RYR1: variants seen among roughly 807,000 people sequenced by gnomAD.
RYR1 encodes the protein central core disease of muscle.
In RYR1, 342 loss-of-function variants were observed where a neutral mutation model predicts 583.5. The observed-to-expected ratio is 0.59, with a 90% CI of 0.54 to 0.64. The LOEUF (loss-of-function observed/expected upper bound fraction) is 0.64, where lower values mean the gene tolerates loss of function less well. RYR1 is among the 30% of genes least tolerant of loss of function. The pLI is 0.00. For missense variants in RYR1, 6,032 were observed against 6,917.2 expected, an observed-to-expected ratio of 0.87 and a Z score of 4.54; for synonymous variants, 2,791 against 2,822.5, an observed-to-expected ratio of 0.99 and a Z score of 0.35.
chr19:38,478,645 C>T, intron 31 of RYR1, 45 bp downstream of exon 31: 1 of 1,596,584 alleles, frequency 6.3e-7, no homozygotes, highest in East Asian at 2.2e-5. Flanking sequence ...CATGTCCCAG[C>T]ATCCCAGGAC....
chr19:38,523,650 TC>T (rs964800962), intron 69 of RYR1: 2 of 606,136 alleles, frequency 3.3e-6, no homozygotes, highest in African/African-American at 3.7e-5. Context: ...CTCCTCCTCC[TC>T]CCCATTTTCC....
intron 38 of RYR1, among the ~76,000 whole-genome samples, 175 bp from the exon 39 acceptor site, chr19:38,494,177 A>C (rs1969691169): frequency 6.6e-6 from 1 of 152,194 alleles, no homozygotes. Flanking sequence ...TCTAAAAGAA[A>C]AAAAGGAAAA....
At chr19:38,433,999 C>A in intron 1 of RYR1, 125 bp downstream of exon 1, 2 of 835,112 alleles carry the variant, frequency 2.4e-6, no homozygotes, top group South Asian at 1.3e-5. Context: ...CTTCCTATGT[C>A]ACTTTGAGTG....
intron 1 of RYR1, among the ~76,000 whole-genome samples, chr19:38,435,403 T>C (rs2145296255): frequency 6.6e-6 from 1 of 152,262 alleles, no homozygotes; most frequent in South Asian, 2.1e-4. Flanking sequence ...GGGTCAGTTT[T>C]TCTGATTGTT....
chr19:38,523,149 C>G (rs1555789775), intron 68 of RYR1, 34 bp downstream of exon 68: 9 of 1,614,028 alleles, frequency 5.6e-6, no homozygotes, highest in Non-Finnish European at 7.6e-6. Flanking sequence ...TCCCCACAAC[C>G]AGAGGAGCCG....
At chr19:38,474,067 G>T (rs578167340) in intron 28 of RYR1, among the ~76,000 whole-genome samples, 1 of 152,160 alleles carries the variant, frequency 6.6e-6, no homozygotes, top group African/African-American at 2.4e-5. Context: ...CTTATCATCC[G>T]TGGACACTAA....
In RYR1 at chr19:38,506,554, C is replaced by A. The variant is rs542646114; in HGVS notation, c.8692+8C>A. On this transcript the variant is annotated splice_region_variant and intron_variant, in intron 56 of 105. Transcript: ENST00000359596. ...AGGAGCTGGAAGCCAAAGGTGAGGGCGCCCATGCCGCCCCCACGCTACCCC... is the reference window on the plus strand; with the variant it reads ...AGGAGCTGGAAGCCAAAGGTGAGGGAGCCCATGCCGCCCCCACGCTACCCC... 1 of 1,613,722 alleles carries A rather than the reference C, an allele frequency of 6.2e-7. No individual in the cohort carries two copies. Among genetic ancestry groups the A allele is most frequent in the South Asian group, 1.1e-5 (1 of 91,078 alleles).
Position 38,452,982 on chromosome 19 carries a change from C to T in RYR1, c.1408C>T (p.Leu470=), listed in dbSNP as rs749095568. 6.2e-7 allele frequency: 1 copy of T among 1,613,912 alleles called. No individual in the cohort carries two copies. Among genetic ancestry groups the T allele is most frequent in the Non-Finnish European group, 8.5e-7 (1 of 1,179,842 alleles). The change falls in exon 13 of 106, where the codon CTG becomes TTG. Residue 470 remains leucine, a synonymous_variant. Coordinates refer to ENST00000359596, the MANE Select transcript of RYR1 (RefSeq NM_000540.3). ...HEEKQSKLRS[L]RNRQSLFQEE... ...GGAGAAGCAGAGCAAGCTGCGAAGC[C>T]TGCGCAACCGCCAGAGCCTCTTCCA...
At chr19:38,578,495 C>T (rs893857510) in intron 99 of RYR1, among the ~76,000 whole-genome samples, 2 of 152,178 alleles carry the variant, frequency 1.3e-5, no homozygotes, top group African/African-American at 4.8e-5. Context: ...AGTTTGAGAC[C>T]AGCCTGGGCA....
chr19:38,452,728 C>T, intron 12 of RYR1, 91 bp from the exon 13 acceptor site: 1 of 1,206,788 alleles, frequency 8.3e-7, no homozygotes, highest in South Asian at 1.4e-5. Context: ...ACGGGTGGGT[C>T]TGGGGGAGTC....
At position 38,496,654 on chromosome 19, in the gene RYR1, G is replaced by T; in HGVS notation, c.6796+113G>T. 1 of 1,390,608 alleles carries T rather than the reference G, an allele frequency of 7.2e-7. No individual in the cohort carries two copies. The highest frequency in any genetic ancestry group is 1.0e-6 in the Non-Finnish European group (1 of 985,976). 86.1% of individuals were successfully genotyped at this position (1,390,608 alleles called of 1,614,324 possible). On this transcript the variant is annotated intron_variant, in intron 41 of 105. Coordinates refer to ENST00000359596, the MANE Select transcript of RYR1 (RefSeq NM_000540.3). The surrounding 1 kb of genome is among the most constrained non-coding windows in gnomAD (Gnocchi z 4.8). ...ATTCAACAAACACTCCCTCTCAACT[G>T]TGGTTCTGGCCCTGTAATGAGTAAT...
chr19:38,546,415 G>GA, intron 87 of RYR1, 30 bp from the exon 88 acceptor site: 1 of 1,594,754 alleles, frequency 6.3e-7, no homozygotes. Context: ...TGTATGCTGA[G>GA]ACCAGCCCTC....
At chr19:38,536,095 A>G in intron 82 of RYR1, 25 bp downstream of exon 82, 1 of 1,574,656 alleles carries the variant, frequency 6.4e-7, no homozygotes, top group Non-Finnish European at 8.6e-7. Context: ...TGGGCTTCCC[A>G]CCCCCTGAGA....
At chr19:38,566,794 GT>G in intron 91 of RYR1, 116 bp from the exon 92 acceptor site, 1 of 1,528,490 alleles carries the variant, frequency 6.5e-7, no homozygotes, top group Non-Finnish European at 8.9e-7. Flanking sequence ...GTGGAGGGAA[GT>G]GTAAAACTTA....
At position 38,473,702 on chromosome 19, in the gene RYR1, G is replaced by T. The variant is rs1489344675; in HGVS notation, c.4091G>T (p.Gly1364Val). 1.3e-6 allele frequency: 2 copies of T among 1,549,522 alleles called. No homozygotes were observed. The highest frequency in any genetic ancestry group is 1.7e-6 in the Non-Finnish European group (2 of 1,146,664). The stretch of plus-strand genomic sequence containing the variant: ...GCCCCCGGGGGCACCCCGCAGGCGG[G>T]GGGAGAGGCGCAGCCCGCCAGGGCG... The part of the protein sequence containing the change: ...EGAPGGTPQA[G>V]GEAQPARAEN... Residue 1364 changes from glycine (G) to valine (V), a missense_variant, in exon 28 of 106, where the codon GGG becomes GTG. Transcript: ENST00000359596.
At chr19:38,463,872 G>T (rs1431686218) in intron 22 of RYR1, 22 bp downstream of exon 22, 2 of 1,597,336 alleles carry the variant, frequency 1.3e-6, no homozygotes, top group Non-Finnish European at 1.7e-6. Context: ...GGGGAGCCGG[G>T]GGTTGGGGCT....
In RYR1 at chr19:38,471,614, G is replaced by T. The variant is rs558151229; in HGVS notation, c.3766-1763G>T. Among the ~76,000 whole-genome samples the T allele has an allele frequency of 4.6e-5, 7 of 151,934 alleles. No individual in the cohort carries two copies. In the East Asian group the frequency reaches 1.4e-3, roughly 30 times the overall value. ...GAAAAAAGACCCCTAAAGAGTCTGAGAACAGGCTGGGCTCGGTGGCTCATG... is the reference window on the plus strand; with the variant it reads ...GAAAAAAGACCCCTAAAGAGTCTGATAACAGGCTGGGCTCGGTGGCTCATG... On this transcript the variant is annotated intron_variant, in intron 27 of 105. Coordinates refer to ENST00000359596, the MANE Select transcript of RYR1 (RefSeq NM_000540.3).
chr19:38,502,744 TTCAGGGTGGGGCAGGGGCAGGGGCA>T lies in RYR1; in HGVS notation c.7835+18_7835+42del. On this transcript the variant is annotated intron_variant, in intron 48 of 105. Transcript: ENST00000359596. Reference sequence around the variant, plus strand: ...GCTCTGCAGGTGGAGCGGGGCAGGCTTCAGGGTGGGGCAGGGGCAGGGGCAGGGGCAGGGGCAGGGGCAGGGGCAG... The same window carrying T: ...GCTCTGCAGGTGGAGCGGGGCAGGCTGGGGCAGGGGCAGGGGCAGGGGCAG... 7.6e-7 allele frequency: 1 copy of T among 1,318,274 alleles called. No individual in the cohort carries two copies. The highest frequency in any genetic ancestry group is 2.0e-4 in the Middle Eastern group (1 of 4,886). 81.7% of individuals were successfully genotyped at this position (1,318,274 alleles called of 1,614,324 possible).
chr19:38,448,279 AAAAG>A (rs979645129), intron 9 of RYR1, 72 bp from the exon 10 acceptor site: 3 of 1,503,746 alleles, frequency 2.0e-6, no homozygotes, highest in African/African-American at 2.8e-5. Flanking sequence ...AAAAAAAAGA[AAAAG>A]AAGAAAAGAC....
Sources: gnomAD v4.1 joint callset for allele counts (sites outside exome capture counted in the v4.1 genomes callset) on GRCh38, gnomAD v4.1.1 for gene constraint, Gnocchi (gnomAD v3.1) non-coding constraint, MANE v1.5 for transcripts, NCBI Gene and HGNC (gene_info 2026-07-23, HGNC 2026-07-21) for gene names.